The following ATP8A1 variants were observed in gnomAD, a reference collection of about 807,000 sequenced individuals.
ATP8A1 encodes phospholipid-transporting ATPase IA.
A neutral mutation model predicts 177.7 loss-of-function variants in ATP8A1; 90 were observed. The ratio of observed to expected loss-of-function variants is 0.51; its 90% CI spans 0.43 to 0.60. ATP8A1 has a LOEUF of 0.60. Among genes scored for constraint, ATP8A1 ranks in the 20% least tolerant of loss-of-function variants. ATP8A1 has a pLI of 0.00. For synonymous variants in ATP8A1, 493 were observed against 485.9 expected (o/e 1.01, Z -0.19); for missense variants, 1,072 against 1,392.8 (o/e 0.77, Z 3.67).
At chr4:42,616,923 G>A (rs1054385864) in intron 4 of ATP8A1, among the ~76,000 whole-genome samples, 2 of 152,080 alleles carry the variant, frequency 1.3e-5, no homozygotes, top group African/African-American at 2.4e-5. Flanking sequence ...TTACAGCATC[G>A]AGTGTAACTC....
intron 5 of ATP8A1, among the ~76,000 whole-genome samples, chr4:42,604,069 A>G (rs1735557576): frequency 6.6e-6 from 1 of 152,124 alleles, no homozygotes; most frequent in Non-Finnish European, 1.5e-5. Flanking sequence ...CTCTGTAGTG[A>G]GCGCACCATG....
At chr4:42,485,190 T>C (rs996982169) in intron 25 of ATP8A1, among the ~76,000 whole-genome samples, 6 of 152,178 alleles carry the variant, frequency 3.9e-5, no homozygotes, top group Non-Finnish European at 8.8e-5. Flanking sequence ...GATTTAAATA[T>C]AGACAACAGG....
At chr4:42,542,266 A>G (rs930499120) in intron 20 of ATP8A1, among the ~76,000 whole-genome samples, 5 of 152,190 alleles carry the variant, frequency 3.3e-5, no homozygotes, top group African/African-American at 1.2e-4. Context: ...TATGATTATT[A>G]AAAATGGAAG....
At chr4:42,486,496 G>C (rs1218520384) in intron 24 of ATP8A1, among the ~76,000 whole-genome samples, 1 of 152,090 alleles carries the variant, frequency 6.6e-6, no homozygotes, top group African/African-American at 2.4e-5. Flanking sequence ...CTAATTAGAC[G>C]GGGAGGAAAG....
intron 15 of ATP8A1, chr4:42,562,560 GAATTC>G (rs948241994): frequency 2.6e-5 from 4 of 152,210 alleles, no homozygotes; most frequent in African/African-American, 9.7e-5. Context: ...GCAAGTGATT[GAATTC>G]AATAATAATA....
chr4:42,497,672 A>G (rs767394753), intron 24 of ATP8A1, among the ~76,000 whole-genome samples: 9 of 152,208 alleles, frequency 5.9e-5, no homozygotes, highest in Non-Finnish European at 1.2e-4. Flanking sequence ...ATTTAATTCT[A>G]TGAGCCCAGA....
intron 25 of ATP8A1, among the ~76,000 whole-genome samples, chr4:42,468,901 T>C (rs1720101310): frequency 6.6e-6 from 1 of 152,210 alleles, no homozygotes; most frequent in Non-Finnish European, 1.5e-5. Context: ...CAGATTTAAG[T>C]GGAGATTCAT....
chr4:42,472,297 AG>A (rs1167461292), intron 25 of ATP8A1: 3 of 525,894 alleles, frequency 5.7e-6, no homozygotes, highest in Non-Finnish European at 1.1e-5. Flanking sequence ...CAACATGGAA[AG>A]CAAGGCTGAA....
intron 25 of ATP8A1, among the ~76,000 whole-genome samples, chr4:42,471,414 TC>T (rs1285511866): frequency 2.6e-5 from 4 of 152,222 alleles, no homozygotes; most frequent in Admixed American, 6.5e-5. Context: ...AAAAAAGATT[TC>T]CTTTCTGCAA....
chr4:42,468,387 T>G (rs1229411794), intron 25 of ATP8A1, among the ~76,000 whole-genome samples: 1 of 151,840 alleles, frequency 6.6e-6, no homozygotes, highest in African/African-American at 2.4e-5. Context: ...TATATATGTA[T>G]GTGTGTGTAT....
At chr4:42,650,270 C>A (rs1740953816) in intron 1 of ATP8A1, among the ~76,000 whole-genome samples, 1 of 152,132 alleles carries the variant, frequency 6.6e-6, no homozygotes, top group Admixed American at 6.5e-5. Flanking sequence ...TAAAATGACA[C>A]CTACTTTGAG....
At chr4:42,440,315 T>C (rs945634248) in intron 33 of ATP8A1, among the ~76,000 whole-genome samples, 25 of 149,824 alleles carry the variant, frequency 1.7e-4, no homozygotes, top group African/African-American at 6.1e-4. Flanking sequence ...GTCATGACAC[T>C]TCCCTCTCAA....
At chr4:42,655,673 G>T (rs1414600038) in intron 1 of ATP8A1, among the ~76,000 whole-genome samples, 2 of 152,108 alleles carry the variant, frequency 1.3e-5, no homozygotes, top group Admixed American at 1.3e-4. Context: ...ATCTTGCTTC[G>T]TCTTCTCCCC....
At chr4:42,458,184 C>T (rs1168559683) in intron 27 of ATP8A1, among the ~76,000 whole-genome samples, 12 of 151,010 alleles carry the variant, frequency 7.9e-5, no homozygotes, top group Non-Finnish European at 1.6e-4. Flanking sequence ...GAACATATCC[C>T]GTGCAAAATA....
intron 9 of ATP8A1, among the ~76,000 whole-genome samples, chr4:42,586,095 G>A (rs1733584750): frequency 6.6e-6 from 1 of 152,182 alleles, no homozygotes. Flanking sequence ...TGTGCCAGAA[G>A]CTGGGAATAT....
intron 33 of ATP8A1, among the ~76,000 whole-genome samples, chr4:42,432,084 C>G (rs1159237450): frequency 6.6e-6 from 1 of 152,114 alleles, no homozygotes; most frequent in Non-Finnish European, 1.5e-5. Flanking sequence ...CCATTTCAGT[C>G]TCATCTCACC....
chr4:42,431,151 C>T (rs1715252985), intron 33 of ATP8A1, among the ~76,000 whole-genome samples: 1 of 152,032 alleles, frequency 6.6e-6, no homozygotes, highest in Non-Finnish European at 1.5e-5. Flanking sequence ...GATTTAACGA[C>T]TAAGTTACTA....
In ATP8A1 at chr4:42,625,689, T is replaced by G. The variant is rs769824158; in HGVS notation, c.189A>C (p.Thr63=). Residue 63 remains threonine, a synonymous_variant, in exon 3 of 37, where the codon ACA becomes ACC. Coordinates refer to ENST00000381668, the MANE Select transcript of ATP8A1 (RefSeq NM_006095.2). ...HVSTAKYNII[T]FLPRFLYSQF... ...GAGAGTAGAGAAATCTTGGAAGGAATGTGATTATGTTGTATTTTGCAGTGC... is the reference window on the plus strand; with the variant it reads ...GAGAGTAGAGAAATCTTGGAAGGAAGGTGATTATGTTGTATTTTGCAGTGC... 1.2e-6 allele frequency: 2 copies of G among 1,605,702 alleles called. No homozygotes were observed. The highest frequency in any genetic ancestry group is 1.7e-4 in the Middle Eastern group (1 of 6,054).
chr4:42,635,628 A>C (rs982096969), intron 1 of ATP8A1, among the ~76,000 whole-genome samples: 19 of 151,490 alleles, frequency 1.3e-4, no homozygotes, highest in Non-Finnish European at 1.5e-5. Flanking sequence ...AGCATTAACC[A>C]CTATCCTTTT....
Sources: gnomAD v4.1 joint callset for allele counts (sites outside exome capture counted in the v4.1 genomes callset) on GRCh38, gnomAD v4.1.1 for gene constraint, MANE v1.5 for transcripts, NCBI Gene and HGNC (gene_info 2026-07-23, HGNC 2026-07-21) for gene names.